CACNA1B: variants seen among roughly 807,000 people sequenced by gnomAD.
The protein encoded by CACNA1B is voltage-dependent N-type calcium channel subunit alpha-1B.
Under a neutral mutation model 247.2 loss-of-function variants are expected in CACNA1B, and 70 were observed. The observed-to-expected ratio is 0.28, with a 90% CI of 0.23 to 0.35. The LOEUF (loss-of-function observed/expected upper bound fraction) is 0.35, where lower values mean the gene tolerates loss of function less well. Ranked by LOEUF, CACNA1B falls within the 10% of genes least tolerant of loss-of-function variation. The probability of loss-of-function intolerance (pLI) is 1.00; values close to 1 mark genes in which losing one functional copy is unlikely to be tolerated. For synonymous variants in CACNA1B, 1,231 were observed against 1,294.4 expected (o/e 0.95, Z 1.05); for missense variants, 2,367 against 3,197.4 (o/e 0.74, Z 6.26).
rs1958420866 is a variant in CACNA1B at position 137,990,601 on chromosome 9, C to G, written c.1974+3747C>G. Among the ~76,000 whole-genome samples, 1 of 152,156 alleles carries G rather than the reference C, an allele frequency of 6.6e-6. No homozygotes were observed. The highest frequency in any genetic ancestry group is 1.5e-5 in the Non-Finnish European group (1 of 68,030). ...GAGGACCCTCACAGAGTCCACTTCA[C>G]TCCCCTGCTACCCCCACCAGAGCAG... On this transcript the variant is annotated intron_variant, in intron 15 of 46. Transcript: ENST00000371372. The surrounding 1 kb of genome is among the most constrained non-coding windows in gnomAD (Gnocchi z 4.5).
chr9:138,002,535 G>A (rs1958590154), intron 15 of CACNA1B, among the ~76,000 whole-genome samples: 2 of 127,216 alleles, frequency 1.6e-5, no homozygotes, highest in South Asian at 5.0e-4. Context: ...CATAATGAAA[G>A]CCCATATCCA....
At chr9:138,086,358 A>T (rs886549704) in intron 36 of CACNA1B, among the ~76,000 whole-genome samples, 1 of 151,198 alleles carries the variant, frequency 6.6e-6, no homozygotes, top group Admixed American at 6.6e-5. Context: ...GCAGGCTTTA[A>T]GTCAAAAACT....
Position 137,922,474 on chromosome 9 carries a change from A to T in CACNA1B, c.966+5043A>T, listed in dbSNP as rs149244951. On this transcript the variant is annotated intron_variant, in intron 6 of 46. Coordinates refer to ENST00000371372, the MANE Select transcript of CACNA1B (RefSeq NM_000718.4). ...CAGATGTTGCTGGAGGTCAAGGAAG[A>T]TGGGAAGCCCGGACTGTTGCGTTTG... Among the ~76,000 whole-genome samples the T allele has an allele frequency of 5.9e-5, 9 of 152,360 alleles. No individual in the cohort carries two copies. The East Asian group carries it at 1.7e-3, about 29-fold the overall frequency.
chr9:137,896,695 C>T (rs769754462), intron 3 of CACNA1B, among the ~76,000 whole-genome samples: 12 of 152,274 alleles, frequency 7.9e-5, no homozygotes, highest in Non-Finnish European at 1.2e-4. Context: ...TGTGTGAAAA[C>T]GGAATTAGTT....
At chr9:138,082,313 T>C (rs891176645) in intron 36 of CACNA1B, among the ~76,000 whole-genome samples, 8 of 151,380 alleles carry the variant, frequency 5.3e-5, no homozygotes, top group Non-Finnish European at 1.2e-4. Flanking sequence ...CAGAGTTTAA[T>C]TGAGCAAAGA....
rs776646949 is a variant in CACNA1B at position 138,114,503 on chromosome 9, C to A, written c.5649+13C>A. The A allele has an allele frequency of 7.1e-7, 1 of 1,408,664 alleles. No homozygotes were observed. Among genetic ancestry groups the A allele is most frequent in the East Asian group, 2.4e-5 (1 of 41,202 alleles). 87.3% of individuals were successfully genotyped at this position (1,408,664 alleles called of 1,614,324 possible). A position where few individuals can be genotyped will look rare whatever the true frequency, so the allele number is the denominator to read the frequency against. On this transcript the variant is annotated intron_variant, in intron 41 of 46. Coordinates refer to ENST00000371372, the MANE Select transcript of CACNA1B (RefSeq NM_000718.4). ...AGGCCTCTCCCAGGTAGCTGGCGGC[C>A]CTCAGTTTTCCAGGAAAACTGTGAT... is the stretch of plus-strand genomic sequence containing the variant.
chr9:138,046,053 A>G (rs530451354), intron 21 of CACNA1B, among the ~76,000 whole-genome samples: 2 of 152,278 alleles, frequency 1.3e-5, no homozygotes, highest in Admixed American at 1.3e-4. Context: ...CCACCCGTAG[A>G]TGGGCTTCCC....
At chr9:138,089,247 A>G (rs144588919) in intron 36 of CACNA1B, among the ~76,000 whole-genome samples, 1 of 152,278 alleles carries the variant, frequency 6.6e-6, no homozygotes, top group Non-Finnish European at 1.5e-5. Context: ...TCGTAGATGG[A>G]AAAATTCTCA....
intron 31 of CACNA1B, among the ~76,000 whole-genome samples, chr9:138,068,367 T>A (rs1960003119): frequency 6.6e-6 from 1 of 152,192 alleles, no homozygotes; most frequent in Non-Finnish European, 1.5e-5. Context: ...TTATGCGTAA[T>A]CTTTTATGTG....
At chr9:137,960,673 G>T (rs1422790374) in intron 10 of CACNA1B, among the ~76,000 whole-genome samples, 1 of 151,978 alleles carries the variant, frequency 6.6e-6, no homozygotes, top group Non-Finnish European at 1.5e-5. Flanking sequence ...AGGCCAGCGC[G>T]GCTGGAGTGA....
Position 138,121,641 on chromosome 9 carries a change from C to T in CACNA1B, c.6662C>T (p.Pro2221Leu), listed in dbSNP as rs1230349677. 1.2e-6 allele frequency: 2 copies of T among 1,613,118 alleles called. No homozygotes were observed. The highest frequency in any genetic ancestry group is 2.2e-5 in the South Asian group (2 of 91,016). ...TTCGCCGGGGCTCAGACCAGCCTCC[C>T]TGCCTTCTCCCCAGGCCGGCTCAGC... ...IHFAGAQTSL[P>L]AFSPGRLSRG... The change falls in exon 47 of 47, where the codon CCT becomes CTT. Residue 2221 changes from proline to leucine, a missense_variant. Pro to Leu is a moderately conservative substitution (Grantham distance 98). This residue lies in a region of CACNA1B where 773 missense variants were observed against 779.4 expected (regional missense o/e 0.99). Coordinates refer to ENST00000371372, the MANE Select transcript of CACNA1B (RefSeq NM_000718.4). This position sits in a 1 kb window ranked among gnomAD's most constrained non-coding sequence, Gnocchi z 6.8.
chr9:137,880,027 G>T lies in CACNA1B; in HGVS notation c.390+868G>T, dbSNP rs753946071. ...GCGGGGCCAGAGGCGTCCAGGAGAC[G>T]GCCTCTCTGGGGTGTCAGGAGCTGC... On this transcript the variant is annotated intron_variant, in intron 2 of 46. Transcript: ENST00000371372. The surrounding 1 kb of genome is among the most constrained non-coding windows in gnomAD (Gnocchi z 4.8). Among the ~76,000 whole-genome samples, 2 of 152,178 alleles carry T rather than the reference G, an allele frequency of 1.3e-5. No homozygotes were observed. Among genetic ancestry groups the T allele is most frequent in the African/African-American group, 4.8e-5 (2 of 41,432 alleles).
At chr9:137,979,630 C>G (rs774288795) in intron 12 of CACNA1B, among the ~76,000 whole-genome samples, 1 of 152,234 alleles carries the variant, frequency 6.6e-6, no homozygotes, top group Middle Eastern at 3.4e-3. Context: ...TGCCCTCTGG[C>G]TCTCAGTAAC....
chr9:138,038,869 G>A (rs879643386), intron 20 of CACNA1B, among the ~76,000 whole-genome samples: 11 of 152,098 alleles, frequency 7.2e-5, no homozygotes, highest in Non-Finnish European at 1.2e-4. Context: ...ATTGCTTTCA[G>A]GCTTTTTGGT....
At chr9:138,049,928 A>C in intron 24 of CACNA1B, 1 of 445,810 alleles carries the variant, frequency 2.2e-6, no homozygotes, top group South Asian at 1.8e-5. Context: ...TACGGCGGGG[A>C]GTTGTGGGGT....
intron 3 of CACNA1B, among the ~76,000 whole-genome samples, chr9:137,896,596 C>T (rs1957176528): frequency 6.6e-6 from 1 of 151,898 alleles, no homozygotes; most frequent in African/African-American, 2.4e-5. Context: ...TTTTTGGTAC[C>T]GTCTTTGTCT....
intron 10 of CACNA1B, among the ~76,000 whole-genome samples, chr9:137,969,674 G>C (rs1958122197): frequency 6.6e-6 from 1 of 152,208 alleles, no homozygotes; most frequent in Non-Finnish European, 1.5e-5. Context: ...GAGTGTGTCT[G>C]TGTGAGCATC....
intron 37 of CACNA1B, chr9:138,101,154 C>T: frequency 3.8e-6 from 2 of 533,188 alleles, no homozygotes; most frequent in South Asian, 1.4e-5. Flanking sequence ...TGTATTGCGC[C>T]ACCCGTTGGC....
At chr9:137,898,121 C>T (rs1957192999) in intron 3 of CACNA1B, among the ~76,000 whole-genome samples, 1 of 152,170 alleles carries the variant, frequency 6.6e-6, no homozygotes. Flanking sequence ...TCTTTTCTTT[C>T]AGCATGTGAA....
Sources: allele counts gnomAD v4.1 joint callset (sites outside exome capture counted in the v4.1 genomes callset), GRCh38; gene constraint gnomAD v4.1.1; regional missense constraint gnomAD v4.1.1; non-coding constraint Gnocchi (gnomAD v3.1); transcripts MANE v1.5; gene names NCBI Gene and HGNC (gene_info 2026-07-23, HGNC 2026-07-21).